CRB1: variants seen among roughly 807,000 people sequenced by gnomAD.
The protein encoded by CRB1 is crumbs cell polarity complex component 1, also known as protein crumbs homolog 1.
Under a neutral mutation model 120.0 loss-of-function variants are expected in CRB1, and 83 were observed. The ratio of observed to expected loss-of-function variants is 0.69; its 90% confidence interval spans 0.58 to 0.83. CRB1 has a LOEUF of 0.83. Among genes scored for constraint, CRB1 ranks in the 40% least tolerant of loss-of-function variants. The pLI is 0.00. For missense variants in CRB1, 1,699 were observed against 1,687.6 expected, an observed-to-expected ratio of 1.01 and a Z score of -0.12; for synonymous variants, 625 against 612.5, an observed-to-expected ratio of 1.02 and a Z score of -0.30.
At chr1:197,415,357 T>C (rs1388143136) in intron 5 of CRB1, among the ~76,000 whole-genome samples, 1 of 152,208 alleles carries the variant, frequency 6.6e-6, no homozygotes, top group Non-Finnish European at 1.5e-5. Flanking sequence ...AGAAACCATG[T>C]TGGTTTTCTG....
chr1:197,478,034 G>C lies in CRB1; in HGVS notation c.*155G>C, dbSNP rs536795129. 1.3e-4 allele frequency: 102 copies of C among 786,846 alleles called. No homozygotes were observed. In the African/African-American group the frequency reaches 1.6e-3, roughly 13 times the overall value. The allele number at this position is 786,846 out of a possible 1,614,324, so 48.7% of individuals were successfully genotyped here. On this transcript the variant is annotated 3_prime_UTR_variant, in exon 12 of 12. Transcript: ENST00000367400. ...TTTGACCACCTTAAAAACTTTCACA[G>C]TGGTTCCGCTCGACACCATTGTTTT...
the CRB1 span, among the ~76,000 whole-genome samples, chr1:197,214,979 G>T: frequency 6.6e-6 from 1 of 152,008 alleles, no homozygotes; most frequent in Non-Finnish European, 1.5e-5. Context: ...ATATTAAAAG[G>T]ATCACAAGCC....
chr1:197,245,699 G>A, the CRB1 span, among the ~76,000 whole-genome samples: 2 of 151,870 alleles, frequency 1.3e-5, no homozygotes, highest in Non-Finnish European at 2.9e-5. Flanking sequence ...GTTAAGGGTC[G>A]CCAGGTCTAT....
Position 197,438,689 on chromosome 1 carries a change from G to A in CRB1, c.3878+14G>A. The A allele has an allele frequency of 6.2e-7, 1 of 1,611,038 alleles. No individual in the cohort carries two copies. Among genetic ancestry groups the A allele is most frequent in the South Asian group, 1.1e-5 (1 of 91,014 alleles). ...TACTGGAGAATGGTGAGTCACATTA[G>A]AGCCTTCTGGAAGAGAATTCTGAGC... is the stretch of plus-strand genomic sequence containing the variant. On this transcript the variant is annotated intron_variant, in intron 10 of 11. Coordinates refer to ENST00000367400, the MANE Select transcript of CRB1 (RefSeq NM_201253.3).
chr1:197,321,306 G>A (rs550110674), intron 1 of CRB1, among the ~76,000 whole-genome samples: 1 of 152,352 alleles, frequency 6.6e-6, no homozygotes, highest in East Asian at 1.9e-4. Context: ...TGGCATTGTA[G>A]TTGTTGTGCT....
At chr1:197,277,460 G>C (rs1655276463) in intron 1 of CRB1, among the ~76,000 whole-genome samples, 1 of 151,976 alleles carries the variant, frequency 6.6e-6, no homozygotes, top group African/African-American at 2.4e-5. Flanking sequence ...GACCAGCTCT[G>C]TACAACAAGC....
chr1:197,354,817 GCCCCCCCACCCC>G lies in CRB1; in HGVS notation c.989-2006_989-1995del, dbSNP rs1558076225. Among the ~76,000 whole-genome samples the G allele has an allele frequency of 4.6e-3, 89 of 19,462 alleles. 4 individuals carry two copies. Among genetic ancestry groups the G allele is most frequent in the South Asian group, 0.013 (4 of 302 alleles). The allele number at this position is 19,462 out of a possible 152,430, so 12.8% of individuals were successfully genotyped here. ...GCTTTTATTCCCTTATCTGCCCCCCGCCCCCCCACCCCCCCCCCCCGCCCACCCCCCCCCCCC... is the reference window on the plus strand; with the variant it reads ...GCTTTTATTCCCTTATCTGCCCCCCGCCCCCCCCGCCCACCCCCCCCCCCC... On this transcript the variant is annotated intron_variant, in intron 4 of 11. Transcript: ENST00000367400.
At chr1:197,355,495 G>A (rs1571894007) in intron 4 of CRB1, among the ~76,000 whole-genome samples, 1 of 152,230 alleles carries the variant, frequency 6.6e-6, no homozygotes, top group African/African-American at 2.4e-5. Context: ...CTGGGGGATT[G>A]CGGGGGGCTC....
chr1:197,293,026 A>C (rs1656286238), intron 1 of CRB1, among the ~76,000 whole-genome samples: 1 of 151,906 alleles, frequency 6.6e-6, no homozygotes, highest in African/African-American at 2.4e-5. Context: ...CTCTCTCACC[A>C]CTCCTTTTCA....
chr1:197,255,055 A>T, the CRB1 span, among the ~76,000 whole-genome samples: 1 of 152,116 alleles, frequency 6.6e-6, no homozygotes, highest in Admixed American at 6.6e-5. Context: ...TTTTTGGCTG[A>T]GGTCTCTCAT....
intron 5 of CRB1, among the ~76,000 whole-genome samples, chr1:197,375,167 G>C (rs980426639): frequency 6.6e-6 from 1 of 152,144 alleles, no homozygotes; most frequent in African/African-American, 2.4e-5. Flanking sequence ...GTTTATAAAG[G>C]AATGAGTTAG....
the CRB1 span, among the ~76,000 whole-genome samples, chr1:197,232,706 A>C: frequency 4.6e-5 from 7 of 152,148 alleles, no homozygotes; most frequent in Non-Finnish European, 1.0e-4. Flanking sequence ...CTCTAACAAA[A>C]AGGGCTCTTA....
At chr1:197,347,155 G>T (rs2125332748) in intron 3 of CRB1, among the ~76,000 whole-genome samples, 185 bp from the exon 4 acceptor site, 1 of 152,266 alleles carries the variant, frequency 6.6e-6, no homozygotes, top group South Asian at 2.1e-4. Flanking sequence ...ATTTTTTAAA[G>T]TTAATAAGAC....
chr1:197,356,800 T>C (rs1660501085), intron 4 of CRB1, 31 bp from the exon 5 acceptor site: 2 of 1,612,702 alleles, frequency 1.2e-6, no homozygotes, highest in African/African-American at 2.7e-5. Context: ...CACCTTTGAC[T>C]TAGCAGCTTC....
At chr1:197,385,370 T>A (rs1662160628) in intron 5 of CRB1, among the ~76,000 whole-genome samples, 2 of 152,136 alleles carry the variant, frequency 1.3e-5, no homozygotes, top group South Asian at 4.1e-4. Context: ...CTTTTTGGTA[T>A]TCCCTTTGAT....
intron 11 of CRB1, among the ~76,000 whole-genome samples, chr1:197,451,221 T>G (rs1665957391): frequency 6.6e-6 from 1 of 152,210 alleles, no homozygotes; most frequent in South Asian, 2.1e-4. Context: ...CTTAAGCATC[T>G]GTGATTAGCT....
intron 1 of CRB1, among the ~76,000 whole-genome samples, chr1:197,270,555 A>C (rs916993641): frequency 6.6e-6 from 1 of 152,204 alleles, no homozygotes; most frequent in Admixed American, 6.5e-5. Context: ...AGAATAGTTA[A>C]ATATAAACAT....
intron 5 of CRB1, among the ~76,000 whole-genome samples, chr1:197,409,795 T>C (rs996474019): frequency 3.9e-5 from 6 of 151,946 alleles, no homozygotes; most frequent in Non-Finnish European, 8.8e-5. Context: ...TTCTTTCTCT[T>C]TTTTTTTGAG....
chr1:197,432,914 C>T (rs1664942267), intron 8 of CRB1, among the ~76,000 whole-genome samples: 1 of 151,896 alleles, frequency 6.6e-6, no homozygotes, highest in African/African-American at 2.4e-5. Flanking sequence ...GTATAAAAGG[C>T]CTGCGCTGGG....
Sources: allele counts gnomAD v4.1 joint callset (sites outside exome capture counted in the v4.1 genomes callset), GRCh38; gene constraint gnomAD v4.1.1; transcripts MANE v1.5; gene names NCBI Gene and HGNC (gene_info 2026-07-23, HGNC 2026-07-21).